The following STK3 variants were observed in gnomAD, a reference collection of about 807,000 sequenced individuals.
STK3 encodes serine/threonine kinase 3.
A neutral mutation model predicts 58.0 loss-of-function variants in STK3; 41 were observed. The observed-to-expected ratio is 0.71, with a 90% CI of 0.55 to 0.92. STK3 has a LOEUF of 0.92. Among genes scored for constraint, STK3 ranks in the 40% least tolerant of loss-of-function variants. The pLI, the probability that STK3 is intolerant of heterozygous loss-of-function variation, is 0.00. For synonymous variants in STK3, 170 were observed against 191.0 expected (o/e 0.89, Z 0.91); for missense variants, 479 against 602.7 (o/e 0.79, Z 2.15).
chr8:98,345,021 T>C, the STK3 span, among the ~76,000 whole-genome samples: 1 of 151,388 alleles, frequency 6.6e-6, no homozygotes, highest in African/African-American at 2.4e-5. Context: ...TCCAAGGTTA[T>C]AAAGGAGGTA....
chr8:98,475,793 C>T (rs557922798), intron 10 of STK3, among the ~76,000 whole-genome samples: 203 of 152,318 alleles, frequency 1.3e-3, no homozygotes, highest in South Asian at 3.7e-3. Context: ...ACAATGATAA[C>T]CTTTCCATTC....
chr8:98,807,553 C>T (rs112280890), intron 1 of STK3, among the ~76,000 whole-genome samples: 4,391 of 152,124 alleles, frequency 0.029, 89 homozygotes, highest in Non-Finnish European at 0.041. Context: ...CCACTGTACC[C>T]GACCAGTAAT....
chr8:98,369,376 G>A (rs1817590753), downstream of STK3, among the ~76,000 whole-genome samples: 1 of 152,190 alleles, frequency 6.6e-6, no homozygotes, highest in South Asian at 2.1e-4. Flanking sequence ...AATGTATTAA[G>A]ATTCAGCAGT....
downstream of STK3, chr8:98,882,277 G>T (rs568047395): frequency 2.0e-5 from 3 of 151,838 alleles, no homozygotes; most frequent in Non-Finnish European, 4.4e-5. Flanking sequence ...TTGTGGGTAC[G>T]TAGTAGATGT....
chr8:98,664,831 C>A (rs558165395), intron 6 of STK3, among the ~76,000 whole-genome samples: 1 of 151,558 alleles, frequency 6.6e-6, no homozygotes, highest in Non-Finnish European at 1.5e-5. Flanking sequence ...ACCCGGGAGG[C>A]GGAGGTTGCA....
rs562385990 is a variant in STK3 at position 98,591,715 on chromosome 8, A to G, written c.822+4317T>C. 2.3e-4 allele frequency among the ~76,000 whole-genome samples: 35 copies of G among 152,382 alleles called. 1 individual carries two copies. Among genetic ancestry groups the G allele is most frequent in the Admixed American group, 2.2e-3 (34 of 15,302 alleles). ...TTAAGCTCTATAGACTAACTGTAGC[A>G]TAACACTATAGTGAATTGACAATGA... is the stretch of plus-strand genomic sequence containing the variant. On this transcript the variant is annotated intron_variant, in intron 7 of 10. Transcript: ENST00000419617.
intron 3 of STK3, among the ~76,000 whole-genome samples, chr8:98,751,177 C>T (rs1209619968): frequency 6.6e-6 from 1 of 152,116 alleles, no homozygotes; most frequent in Non-Finnish European, 1.5e-5. Context: ...GGAAGCATTC[C>T]CCTTGAAAAG....
At chr8:98,514,646 G>C (rs922219772) in intron 10 of STK3, among the ~76,000 whole-genome samples, 2 of 151,738 alleles carry the variant, frequency 1.3e-5, no homozygotes, top group African/African-American at 4.8e-5. Context: ...GGTAGATAGA[G>C]CCAGCCTCTG....
At chr8:98,529,955 G>A (rs1826045620) in intron 9 of STK3, among the ~76,000 whole-genome samples, 1 of 152,120 alleles carries the variant, frequency 6.6e-6, no homozygotes, top group Admixed American at 6.6e-5. Context: ...TGATGGTGGT[G>A]ATGGCTGCAC....
chr8:98,609,420 T>C (rs1171503103), intron 6 of STK3, among the ~76,000 whole-genome samples: 1 of 152,182 alleles, frequency 6.6e-6, no homozygotes, highest in Non-Finnish European at 1.5e-5. Flanking sequence ...AAGTATCTCA[T>C]CTGAAATATG....
intron 3 of STK3, among the ~76,000 whole-genome samples, chr8:98,423,008 C>A (rs575486349): frequency 1.3e-5 from 2 of 152,316 alleles, no homozygotes; most frequent in African/African-American, 2.4e-5. Context: ...ATCTACTAAG[C>A]TGATCAGTTG....
chr8:98,608,326 C>T (rs1445431023), intron 6 of STK3, among the ~76,000 whole-genome samples: 3 of 152,024 alleles, frequency 2.0e-5, no homozygotes, highest in Non-Finnish European at 4.4e-5. Context: ...AACAAAAGCT[C>T]TTGGGTCCTC....
chr8:98,656,256 G>A (rs1351943174), intron 6 of STK3, among the ~76,000 whole-genome samples: 3 of 151,658 alleles, frequency 2.0e-5, no homozygotes, highest in East Asian at 1.9e-4. Context: ...AACACTGCAT[G>A]TTCTCACTCA....
At chr8:98,489,026 G>A (rs1202016363) in intron 10 of STK3, among the ~76,000 whole-genome samples, 1 of 152,140 alleles carries the variant, frequency 6.6e-6, no homozygotes, top group Admixed American at 6.5e-5. Context: ...CCATGAAACT[G>A]AGAGCCTCAC....
chr8:98,427,353 G>C (rs1439244482), intron 3 of STK3: 1 of 151,678 alleles, frequency 6.6e-6, no homozygotes, highest in Non-Finnish European at 1.5e-5. Context: ...GAACGCGCAG[G>C]GCGAGCCCGG....
At chr8:98,672,093 C>T (rs886937240) in intron 6 of STK3, among the ~76,000 whole-genome samples, 4 of 152,120 alleles carry the variant, frequency 2.6e-5, no homozygotes, top group African/African-American at 4.8e-5. Context: ...TACTCAGTCT[C>T]GGGTATTTCT....
At chr8:98,700,035 G>A (rs1202017140) in intron 6 of STK3, among the ~76,000 whole-genome samples, 1 of 152,228 alleles carries the variant, frequency 6.6e-6, no homozygotes, top group Non-Finnish European at 1.5e-5. Flanking sequence ...GAGCTTCCCG[G>A]CTGCTTTGTT....
At chr8:98,818,538 ATGTGTGTGTG>A (rs72513007) in intron 1 of STK3, among the ~76,000 whole-genome samples, 14 of 145,328 alleles carry the variant, frequency 9.6e-5, no homozygotes, top group African/African-American at 2.0e-4. Flanking sequence ...TAAATTATAA[ATGTGTGTGTG>A]TGTGTGTGTG....
chr8:98,499,880 T>G (rs1198080729), intron 10 of STK3, among the ~76,000 whole-genome samples: 1 of 152,104 alleles, frequency 6.6e-6, no homozygotes, highest in African/African-American at 2.4e-5. Flanking sequence ...CTGAAATGGG[T>G]TGAGGCTTCT....
Sources: gnomAD v4.1 joint callset for allele counts (sites outside exome capture counted in the v4.1 genomes callset) on GRCh38, gnomAD v4.1.1 for gene constraint, MANE v1.5 for transcripts, NCBI Gene and HGNC (gene_info 2026-07-23, HGNC 2026-07-21) for gene names.